AFF3: variants seen among roughly 807,000 people sequenced by gnomAD.
AFF3 encodes AF4/FMR2 family member 3.
Under a neutral mutation model 129.7 loss-of-function variants are expected in AFF3, and 32 were observed. That is an observed-to-expected ratio of 0.25 (90% CI 0.19 to 0.33). AFF3 has a LOEUF of 0.33. Ranked by LOEUF, AFF3 falls within the 10% of genes least tolerant of loss-of-function variation. The pLI, the probability that AFF3 is intolerant of heterozygous loss-of-function variation, is 1.00. For missense variants in AFF3, 1,373 were observed against 1,592.0 expected (o/e 0.86, Z 2.34); for synonymous variants, 644 against 635.4 (o/e 1.01, Z -0.20).
intron 10 of AFF3, among the ~76,000 whole-genome samples, chr2:99,729,781 C>A (rs1679662158): frequency 6.6e-6 from 1 of 150,522 alleles, no homozygotes; most frequent in Non-Finnish European, 1.5e-5. Context: ...GCCCGCCCCA[C>A]CATCCAAAGA....
Position 99,707,129 on chromosome 2 carries a change from G to A in AFF3, c.1091+19948C>T, listed in dbSNP as rs1011014242. 10 of 985,248 alleles carry A rather than the reference G, an allele frequency of 1.0e-5. No homozygotes were observed. In the African/African-American group the frequency reaches 1.7e-4, roughly 17 times the overall value. The allele number at this position is 985,248 out of a possible 1,614,324, so 61.0% of individuals were successfully genotyped here. Reference sequence around the variant, plus strand: ...CCCGATGAAGGCTGGCTCCAGTTGTGGCTTAGCAAGTCAAAAACTAGTAAA... The same window carrying A: ...CCCGATGAAGGCTGGCTCCAGTTGTAGCTTAGCAAGTCAAAAACTAGTAAA... On this transcript the variant is annotated intron_variant, in intron 11 of 24. Coordinates refer to ENST00000672756, the MANE Select transcript of AFF3 (RefSeq NM_001386135.1).
intron 7 of AFF3, among the ~76,000 whole-genome samples, chr2:99,903,789 A>G (rs563385726): frequency 1.8e-4 from 27 of 152,248 alleles, no homozygotes; most frequent in South Asian, 8.3e-4. Flanking sequence ...TTTGAATGGA[A>G]AATGCCATTT....
At chr2:99,689,656 CAAAAAAAAAAAA>C (rs60965683) in intron 11 of AFF3, among the ~76,000 whole-genome samples, 27 of 57,286 alleles carry the variant, frequency 4.7e-4, no homozygotes, top group Admixed American at 3.2e-3. Flanking sequence ...TATTTAATTG[CAAAAAAAAAAAA>C]AAAAAAAAAA....
intron 2 of AFF3, chr2:100,109,817 A>G (rs1691454196): frequency 6.6e-6 from 1 of 152,208 alleles, no homozygotes; most frequent in Admixed American, 6.5e-5. Flanking sequence ...AAGTGTCACA[A>G]ACCCAAGCAT....
chr2:99,995,635 G>C (rs1385974707), intron 7 of AFF3, among the ~76,000 whole-genome samples: 2 of 152,068 alleles, frequency 1.3e-5, no homozygotes, highest in East Asian at 3.9e-4. Context: ...GCCTCCCAAA[G>C]TGCTGGGATT....
At chr2:99,697,707 A>G (rs552135779) in intron 11 of AFF3, among the ~76,000 whole-genome samples, 6 of 152,254 alleles carry the variant, frequency 3.9e-5, no homozygotes, top group Non-Finnish European at 7.3e-5. Context: ...GCTGAGAATC[A>G]GTGGATCTGA....
In AFF3 at chr2:99,757,353, A is replaced by G. The variant is rs540379554; in HGVS notation, c.922-5052T>C. Among the ~76,000 whole-genome samples the G allele has an allele frequency of 4.6e-5, 7 of 152,284 alleles. 1 individual carries two copies. The South Asian group carries it at 1.4e-3, about 32-fold the overall frequency. On this transcript the variant is annotated intron_variant, in intron 8 of 24. Transcript: ENST00000672756. ...CAAACTTTTCTTCTTCTTGTACTTT[A>G]TATGCTGGTTAATGGCAGCAACATC...
chr2:99,551,867 C>T (rs1674441292), intron 24 of AFF3, among the ~76,000 whole-genome samples: 1 of 152,136 alleles, frequency 6.6e-6, no homozygotes, highest in African/African-American at 2.4e-5. Flanking sequence ...CCATATCCTC[C>T]AGCTGCATTC....
chr2:99,584,739 C>A (rs1312363431), intron 16 of AFF3, among the ~76,000 whole-genome samples: 2 of 152,164 alleles, frequency 1.3e-5, no homozygotes, highest in Admixed American at 6.5e-5. Flanking sequence ...TAGGATACTT[C>A]CAGAGGTCAC....
intron 1 of AFF3, among the ~76,000 whole-genome samples, chr2:100,130,297 G>A (rs1013425099): frequency 2.6e-5 from 4 of 152,138 alleles, no homozygotes; most frequent in South Asian, 2.1e-4. Context: ...ATGCTCTGCA[G>A]GCAAGGCTCC....
At chr2:99,931,907 T>C (rs1459795656) in intron 7 of AFF3, among the ~76,000 whole-genome samples, 1 of 152,200 alleles carries the variant, frequency 6.6e-6, no homozygotes, top group East Asian at 1.9e-4. Flanking sequence ...AGACTCTGTC[T>C]CAACAAAACC....
rs559956593 is a variant in AFF3, at chr2:99,876,054, A to T, written c.874-38530T>A. Among the ~76,000 whole-genome samples, 4 of 150,676 alleles carry T rather than the reference A, an allele frequency of 2.7e-5. No homozygotes were observed. In the South Asian group the frequency reaches 6.3e-4, roughly 24 times the overall value. On this transcript the variant is annotated intron_variant, in intron 7 of 24. Transcript: ENST00000672756. ...GACTTCCAGTTTTTTCCTGATTCTCACTCTCCTCTGCCAGCTCCTCTCCAA... is the reference window on the plus strand; with the variant it reads ...GACTTCCAGTTTTTTCCTGATTCTCTCTCTCCTCTGCCAGCTCCTCTCCAA...
chr2:99,593,837 G>A lies in AFF3; in HGVS notation c.1824C>T (p.Pro608=), dbSNP rs774823616. Residue 608 remains proline, a synonymous_variant, in exon 15 of 25, where the codon CCC becomes CCT. Transcript: ENST00000672756. ...DGANCHRPEE[P]AAADALGTSV... ...TCGTCCCCAGCGCGTCCGCGGCCGCGGGCTCCTCGGGCCGGTGGCAGTTGG... is the reference window on the plus strand; with the variant it reads ...TCGTCCCCAGCGCGTCCGCGGCCGCAGGCTCCTCGGGCCGGTGGCAGTTGG... 2 of 1,601,790 alleles carry A rather than the reference G, an allele frequency of 1.2e-6. No homozygotes were observed. Among genetic ancestry groups the A allele is most frequent in the Non-Finnish European group, 1.7e-6 (2 of 1,175,426 alleles).
chr2:100,082,953 C>T (rs1359318502), intron 4 of AFF3, among the ~76,000 whole-genome samples: 3 of 151,980 alleles, frequency 2.0e-5, no homozygotes, highest in Admixed American at 6.6e-5. Flanking sequence ...GGTGATGCAT[C>T]CCTGTAATCC....
rs1007014496 is a variant in AFF3, at chr2:99,936,507, C to A, written c.873+70125G>T. 3.3e-5 allele frequency among the ~76,000 whole-genome samples: 5 copies of A among 152,112 alleles called. 1 individual carries two copies. Among genetic ancestry groups the A allele is most frequent in the South Asian group, 4.1e-4 (2 of 4,824 alleles). On this transcript the variant is annotated intron_variant, in intron 7 of 24. Transcript: ENST00000672756. ...TCTTGTTATCTGTCAAATCCCCATA[C>A]GTGCTGACAAGGACGGGAGGAAATG...
chr2:100,106,076 A>C, intron 2 of AFF3: 1 of 1,303,798 alleles, frequency 7.7e-7, no homozygotes, highest in Non-Finnish European at 1.0e-6. Context: ...TTCAGGACAC[A>C]GGTAGAAGAC....
At chr2:99,900,418 C>T (rs968587165) in intron 7 of AFF3, among the ~76,000 whole-genome samples, 8 of 152,126 alleles carry the variant, frequency 5.3e-5, no homozygotes, top group Non-Finnish European at 7.4e-5. Context: ...CTCTAAGACT[C>T]GGGCCCACCC....
At chr2:99,587,305 C>A in intron 15 of AFF3, 27 bp from the exon 16 acceptor site, 17 of 1,613,366 alleles carry the variant, frequency 1.1e-5, no homozygotes, top group Non-Finnish European at 1.4e-5. Context: ...TAAAGTCAAT[C>A]AGCACTGGAT....
At chr2:99,806,879 GT>G (rs1207175498) in intron 8 of AFF3, among the ~76,000 whole-genome samples, 3 of 152,122 alleles carry the variant, frequency 2.0e-5, no homozygotes, top group African/African-American at 7.2e-5. Context: ...TTTTGGTTTT[GT>G]TCCAACAGAT....
Sources: gnomAD v4.1 joint callset for allele counts (sites outside exome capture counted in the v4.1 genomes callset) on GRCh38, gnomAD v4.1.1 for gene constraint, MANE v1.5 for transcripts, NCBI Gene and HGNC (gene_info 2026-07-23, HGNC 2026-07-21) for gene names.